The following FOXP1 variants were observed in gnomAD, a reference collection of about 807,000 sequenced individuals.
FOXP1 encodes the protein forkhead box protein P1.
A neutral mutation model predicts 98.2 loss-of-function variants in FOXP1; 15 were observed. The observed-to-expected ratio is 0.15, with a 90% confidence interval of 0.10 to 0.24. The LOEUF is 0.24. FOXP1 is among the 10% of genes least tolerant of loss of function. The probability of loss-of-function intolerance (pLI) is 1.00; values close to 1 mark genes in which losing one functional copy is unlikely to be tolerated. For synonymous variants in FOXP1, 371 were observed against 314.5 expected (o/e 1.18, Z -1.90); for missense variants, 633 against 848.5 (o/e 0.75, Z 3.15).
intron 12 of FOXP1, among the ~76,000 whole-genome samples, chr3:71,008,254 T>A (rs2043055226): frequency 6.6e-6 from 1 of 152,102 alleles, no homozygotes; most frequent in Non-Finnish European, 1.5e-5. Flanking sequence ...CTACTCCTCA[T>A]TTTGCCAATG....
At chr3:71,152,637 T>C (rs569102691) in intron 6 of FOXP1, among the ~76,000 whole-genome samples, 3 of 152,112 alleles carry the variant, frequency 2.0e-5, no homozygotes, top group Non-Finnish European at 4.4e-5. Context: ...TTACTAGTTC[T>C]ATGACCTTGA....
chr3:71,569,025 A>G (rs2047131280), intron 2 of FOXP1, among the ~76,000 whole-genome samples: 1 of 152,218 alleles, frequency 6.6e-6, no homozygotes, highest in Admixed American at 6.5e-5. Context: ...TTCATGGGCT[A>G]TTTACACTCT....
At chr3:71,084,950 C>T in intron 7 of FOXP1, among the ~76,000 whole-genome samples, 1 of 152,062 alleles carries the variant, frequency 6.6e-6, no homozygotes, top group East Asian at 1.9e-4. Flanking sequence ...ACAATAGTTG[C>T]TTGAATAAAT....
At position 70,977,982 on chromosome 3, in the gene FOXP1, A is replaced by G. The variant is rs745561596; in HGVS notation, c.1194T>C (p.Ala398=). ...SVTLSKSASE[A]SPQSLPHTPT... ...GAGTATGAGGTAAGCTCTGTGGAGAAGCCTCCGATGCGGACTTGGAGAGAG... is the reference window on the plus strand; with the variant it reads ...GAGTATGAGGTAAGCTCTGTGGAGAGGCCTCCGATGCGGACTTGGAGAGAG... The change falls in exon 15 of 21, where the codon GCT becomes GCC. Residue 398 remains alanine (A), a synonymous_variant. Coordinates refer to ENST00000649528, the MANE Select transcript of FOXP1 (RefSeq NM_001349338.3). The G allele has an allele frequency of 1.2e-6, 2 of 1,614,066 alleles. No homozygotes were observed. The highest frequency in any genetic ancestry group is 1.7e-5 in the Admixed American group (1 of 60,010).
intron 2 of FOXP1, among the ~76,000 whole-genome samples, chr3:71,540,714 C>T (rs528062628): frequency 2.0e-5 from 3 of 152,274 alleles, no homozygotes; most frequent in Admixed American, 6.5e-5. Context: ...AAACTGCCAC[C>T]GTTGGCATTT....
At chr3:70,977,581 A>G (rs943119113) in intron 16 of FOXP1, 62 bp downstream of exon 16, 58 of 1,339,094 alleles carry the variant, frequency 4.3e-5, no homozygotes, top group Non-Finnish European at 5.6e-5. Context: ...TACTTCATCA[A>G]TATATATCCA....
chr3:71,539,722 G>T (rs1560628266), intron 2 of FOXP1, among the ~76,000 whole-genome samples: 1 of 151,976 alleles, frequency 6.6e-6, no homozygotes, highest in East Asian at 1.9e-4. Flanking sequence ...AAGTATTTTT[G>T]ATGCTATTGT....
intron 3 of FOXP1, among the ~76,000 whole-genome samples, chr3:71,425,513 T>A (rs1560467318): frequency 6.6e-6 from 1 of 152,046 alleles, no homozygotes; most frequent in Non-Finnish European, 1.5e-5. Flanking sequence ...GAGACCAACT[T>A]CTCAGAGCTG....
chr3:71,043,973 C>T (rs374503312), intron 10 of FOXP1, among the ~76,000 whole-genome samples: 3 of 152,236 alleles, frequency 2.0e-5, no homozygotes, highest in Admixed American at 2.0e-4. Flanking sequence ...GTGACAACAG[C>T]GATACTTCTG....
intron 12 of FOXP1, among the ~76,000 whole-genome samples, chr3:71,009,769 G>A (rs1417596754): frequency 2.6e-5 from 4 of 152,000 alleles, no homozygotes; most frequent in Middle Eastern, 3.2e-3. Flanking sequence ...AATTTTTAGA[G>A]ACAAGGTTTT....
chr3:71,570,869 G>A (rs1222132333), intron 2 of FOXP1: 1 of 152,210 alleles, frequency 6.6e-6, no homozygotes, highest in African/African-American at 2.4e-5. Flanking sequence ...AAGAGCCAAC[G>A]TGGACGGACA....
At chr3:71,005,940 G>T (rs2042753895) in intron 12 of FOXP1, among the ~76,000 whole-genome samples, 2 of 152,036 alleles carry the variant, frequency 1.3e-5, no homozygotes, top group South Asian at 4.1e-4. Context: ...GATCATTCTG[G>T]ATTTATATCT....
At chr3:71,302,512 G>GT (rs2073931820) in intron 4 of FOXP1, among the ~76,000 whole-genome samples, 1 of 84,486 alleles carries the variant, frequency 1.2e-5, no homozygotes, top group African/African-American at 4.8e-5. Flanking sequence ...AAGCTTTTAT[G>GT]TAAAAAAAAA....
chr3:71,497,277 G>T (rs2091486016), intron 2 of FOXP1, among the ~76,000 whole-genome samples: 1 of 152,040 alleles, frequency 6.6e-6, no homozygotes, highest in Non-Finnish European at 1.5e-5. Flanking sequence ...CAAACAAACA[G>T]AAGTTTATCA....
chr3:71,390,735 G>A (rs1174853191), intron 3 of FOXP1, among the ~76,000 whole-genome samples: 1 of 152,186 alleles, frequency 6.6e-6, no homozygotes, highest in Non-Finnish European at 1.5e-5. Context: ...TCTTGCAGAC[G>A]TGGCCCAAGT....
chr3:71,510,522 C>T (rs2042129967), intron 2 of FOXP1, among the ~76,000 whole-genome samples: 1 of 152,104 alleles, frequency 6.6e-6, no homozygotes, highest in South Asian at 2.1e-4. Context: ...CTTTGGCAAT[C>T]TGAGCCAGTC....
chr3:71,582,009 G>T (rs2048213801), intron 1 of FOXP1: 13 of 975,068 alleles, frequency 1.3e-5, no homozygotes, highest in Non-Finnish European at 1.6e-5. Context: ...ACGATCACGG[G>T]CGCAAGGTTT....
rs146291823 is a variant in FOXP1 at position 71,408,308 on chromosome 3, G to A, written c.-167-49064C>T. Among the ~76,000 whole-genome samples, 1,454 of 152,294 alleles carry A rather than the reference G, an allele frequency of 9.5e-3. 19 individuals are homozygous for A. The highest frequency in any genetic ancestry group is 0.032 in the African/African-American group (1,350 of 41,544). ...TGAGGGATATCAGAAATGAAATGCT[G>A]TAAGTGGGTTTCTGATGCCTTTATG... is the stretch of plus-strand genomic sequence containing the variant. On this transcript the variant is annotated intron_variant, in intron 3 of 20. Transcript: ENST00000649528.
intron 3 of FOXP1, among the ~76,000 whole-genome samples, chr3:71,419,306 T>C (rs965107868): frequency 6.7e-6 from 1 of 149,406 alleles, no homozygotes; most frequent in Non-Finnish European, 1.5e-5. Flanking sequence ...ACAGCATCTA[T>C]TCAATCAGTT....
Sources: gnomAD v4.1 joint callset for allele counts (sites outside exome capture counted in the v4.1 genomes callset) on GRCh38, gnomAD v4.1.1 for gene constraint, MANE v1.5 for transcripts, NCBI Gene and HGNC (gene_info 2026-07-23, HGNC 2026-07-21) for gene names.